GTPBP4: variants seen among roughly 807,000 people sequenced by gnomAD.
GTPBP4 encodes the protein GTP-binding protein 4.
Under a neutral mutation model 81.7 loss-of-function variants are expected in GTPBP4, and 15 were observed. The ratio of observed to expected loss-of-function variants is 0.18; its 90% CI spans 0.12 to 0.28. The LOEUF is 0.28. GTPBP4 is among the 10% of genes least tolerant of loss of function. GTPBP4 has a pLI of 1.00. For missense variants in GTPBP4, 847 were observed against 793.8 expected, an observed-to-expected ratio of 1.07 and a Z score of -0.81; for synonymous variants, 272 against 274.6, an observed-to-expected ratio of 0.99 and a Z score of 0.09.
At position 1,000,733 on chromosome 10, in the gene GTPBP4, G is replaced by T; in HGVS notation, c.711G>T (p.Glu237Asp). The change falls in exon 7 of 17, where the codon GAG (glutamate) becomes GAT (aspartate). Residue 237 changes from glutamate to aspartate, a missense_variant. Glu to Asp is a conservative substitution (Grantham distance 45, BLOSUM62 2). Transcript: ENST00000360803. ...DHPLEDRNTI[E>D]MQAITALAHL... ...CTCTGGAGGATAGGAACACCATCGA[G>T]ATGCAGGCCATCACTGCCCTGGCCC... 1 of 1,587,648 alleles carries T rather than the reference G, an allele frequency of 6.3e-7. No individual in the cohort carries two copies. Among genetic ancestry groups the T allele is most frequent in the Non-Finnish European group, 8.6e-7 (1 of 1,167,134 alleles).
rs1242591726 is a variant in GTPBP4 at position 1,010,828 on chromosome 10, C to CA, written c.1344+308_1344+309insA. Among the ~76,000 whole-genome samples, 9 of 106,904 alleles carry CA rather than the reference C, an allele frequency of 8.4e-5. No individual in the cohort carries two copies. The South Asian group carries it at 1.4e-3, about 16-fold the overall frequency. 70.1% of individuals were successfully genotyped at this position (106,904 alleles called of 152,430 possible). Reference sequence around the variant, plus strand: ...TCCATCCTGACTCTGCCTCCTGCACCTCTTCCCTGTCCCGACACTGGTGGA... The same window carrying CA: ...TCCATCCTGACTCTGCCTCCTGCACCATCTTCCCTGTCCCGACACTGGTGGA... On this transcript the variant is annotated intron_variant, in intron 13 of 16. Coordinates refer to ENST00000360803, the MANE Select transcript of GTPBP4 (RefSeq NM_012341.3).
chr10:1,014,658 C>CA (rs1349544686), intron 15 of GTPBP4, among the ~76,000 whole-genome samples: 9 of 151,332 alleles, frequency 5.9e-5, no homozygotes, highest in South Asian at 2.1e-4. Flanking sequence ...GACTCCATCT[C>CA]AAAAAAAAGA....
Position 1,019,586 on chromosome 10 carries a change from C to T in GTPBP4, c.*2359C>T, listed in dbSNP as rs1190967051. ...CATCCAGGTGAGGCCACCACCGGTA[C>T]AGAAACCTCTCGGCAATGGTTCTTA... is the stretch of plus-strand genomic sequence containing the variant. On this transcript the variant is annotated 3_prime_UTR_variant, in exon 17 of 17. Transcript: ENST00000360803. 1.9e-6 allele frequency: 3 copies of T among 1,613,916 alleles called. No individual in the cohort carries two copies. The highest frequency in any genetic ancestry group is 1.3e-5 in the African/African-American group (1 of 74,892).
chr10:991,947 A>G (rs1158309858), intron 1 of GTPBP4, among the ~76,000 whole-genome samples: 4 of 149,730 alleles, frequency 2.7e-5, no homozygotes, highest in Non-Finnish European at 4.5e-5. Flanking sequence ...CGCCCGCCTC[A>G]GCCTCCCAAA....
intron 6 of GTPBP4, 65 bp from the exon 7 acceptor site, chr10:1,000,612 G>C (rs1831610614): frequency 3.3e-6 from 3 of 914,292 alleles, no homozygotes; most frequent in Non-Finnish European, 4.8e-6. Flanking sequence ...AGTGACTTCT[G>C]GGATGTGCTG....
chr10:1,014,419 G>C, intron 15 of GTPBP4, 107 bp downstream of exon 15: 5 of 728,720 alleles, frequency 6.9e-6, no homozygotes, highest in Non-Finnish European at 1.2e-5. Context: ...CACTTTGGGA[G>C]GCCAAGGCGG....
Position 1,019,332 on chromosome 10 carries a change from A to T in GTPBP4, c.*2105A>T. ...GCAACCAGGCAGATGAGAAATATGG[A>T]AATAAGGAAAAGGGAAAATGAAGAT... On this transcript the variant is annotated 3_prime_UTR_variant, in exon 17 of 17. Coordinates refer to ENST00000360803, the MANE Select transcript of GTPBP4 (RefSeq NM_012341.3). 3.6e-6 allele frequency: 2 copies of T among 557,156 alleles called. No individual in the cohort carries two copies. The highest frequency in any genetic ancestry group is 6.3e-6 in the Non-Finnish European group (2 of 317,198). 34.5% of individuals were successfully genotyped at this position (557,156 alleles called of 1,614,324 possible).
chr10:1,005,699 G>A (rs1831717344), intron 8 of GTPBP4, 119 bp from the exon 9 acceptor site: 3 of 661,428 alleles, frequency 4.5e-6, no homozygotes, highest in African/African-American at 1.8e-5. Context: ...TGTTTTTTAA[G>A]ACTTTGAAAC....
In GTPBP4 at chr10:1,009,560, A is replaced by G; in HGVS notation, c.1223A>G (p.Asp408Gly). ...GATCTTGAGCTGGAAATGGGAGATG[A>G]TTATATTTTGGATCTTCAGAGTAAG... is the stretch of plus-strand genomic sequence containing the variant. ...ERDLELEMGD[D>G]YILDLQKYWD... The change falls in exon 12 of 17, where the codon GAT (aspartate) becomes GGT (glycine). Residue 408 changes from aspartate (D) to glycine (G), a missense_variant. Transcript: ENST00000360803. The G allele has an allele frequency of 6.3e-7, 1 of 1,599,748 alleles. No individual in the cohort carries two copies. The highest frequency in any genetic ancestry group is 2.2e-5 in the East Asian group (1 of 44,808).
At chr10:1,008,867 C>T (rs1289880697) in intron 10 of GTPBP4, 91 bp from the exon 11 acceptor site, 5 of 926,648 alleles carry the variant, frequency 5.4e-6, no homozygotes, top group African/African-American at 4.8e-5. Flanking sequence ...GTTCCCCTTG[C>T]ACGTAGGGAA....
intron 5 of GTPBP4, 23 bp from the exon 6 acceptor site, chr10:998,980 C>T (rs1179817831): frequency 1.7e-5 from 23 of 1,346,136 alleles, no homozygotes; most frequent in Non-Finnish European, 2.4e-5. Flanking sequence ...TGAGGTGATT[C>T]TGAAAGTTCT....
At position 1,015,846 on chromosome 10, in the gene GTPBP4, G is replaced by A; in HGVS notation, c.1702G>A (p.Gly568Arg). 6.2e-7 allele frequency: 1 copy of A among 1,613,626 alleles called. No individual in the cohort carries two copies. The highest frequency in any genetic ancestry group is 8.5e-7 in the Non-Finnish European group (1 of 1,179,498). The stretch of plus-strand genomic sequence containing the variant: ...TCCCCCGTCCTCTGTGGCCCGGAGT[G>A]GGAGTTGCTCTCGAACTCCACGTGA... ...SAPPSSVARSGSCSRTPRDVS... is the reference protein window; with the variant it reads ...SAPPSSVARSRSCSRTPRDVS... The change falls in exon 16 of 17, where the codon GGG becomes AGG. Residue 568 changes from glycine to arginine, a missense_variant. By Grantham distance (125) the Gly-to-Arg change is moderately radical. Coordinates refer to ENST00000360803, the MANE Select transcript of GTPBP4 (RefSeq NM_012341.3).
intron 15 of GTPBP4, among the ~76,000 whole-genome samples, chr10:1,014,724 AGAAAT>A (rs1831944619): frequency 1.3e-5 from 2 of 152,150 alleles, no homozygotes; most frequent in Non-Finnish European, 2.9e-5. Flanking sequence ...TACAGCAAAA[AGAAAT>A]GAGAGCTTCC....
Position 1,001,005 on chromosome 10 carries a change from G to T in GTPBP4, c.904G>T (p.Asp302Tyr). ...GAAGAGAATAGCTGAACTTTCTGAAGATGATCAGGTAAATCACGTTAATAT... is the reference window on the plus strand; with the variant it reads ...GAAGAGAATAGCTGAACTTTCTGAATATGATCAGGTAAATCACGTTAATAT... ...DVKRIAELSE[D>Y]DQKIFTDLQS... The change falls in exon 8 of 17, where the codon GAT becomes TAT. Residue 302 changes from aspartate to tyrosine, a missense_variant. By Grantham distance (160) the Asp-to-Tyr change is radical. Around this residue, in one of 3 missense-constraint regions of GTPBP4, gnomAD observed 600 missense variants for 557.1 expected, o/e 1.08. Coordinates refer to ENST00000360803, the MANE Select transcript of GTPBP4 (RefSeq NM_012341.3). 1 of 1,598,650 alleles carries T rather than the reference G, an allele frequency of 6.3e-7. No individual in the cohort carries two copies. Among genetic ancestry groups the T allele is most frequent in the South Asian group, 1.1e-5 (1 of 90,720 alleles).
In GTPBP4 at chr10:1,019,576, A is replaced by G; in HGVS notation, c.*2349A>G. 6.2e-7 allele frequency: 1 copy of G among 1,613,974 alleles called. No individual in the cohort carries two copies. The highest frequency in any genetic ancestry group is 8.5e-7 in the Non-Finnish European group (1 of 1,179,976). The stretch of plus-strand genomic sequence containing the variant: ...GGGGTCACGTCATCCAGGTGAGGCC[A>G]CCACCGGTACAGAAACCTCTCGGCA... On this transcript the variant is annotated 3_prime_UTR_variant, in exon 17 of 17. Coordinates refer to ENST00000360803, the MANE Select transcript of GTPBP4 (RefSeq NM_012341.3).
At chr10:993,443 C>T (rs1293553584) in intron 2 of GTPBP4, among the ~76,000 whole-genome samples, 3 of 152,152 alleles carry the variant, frequency 2.0e-5, no homozygotes, top group Non-Finnish European at 4.4e-5. Context: ...AATGGGGTTT[C>T]ACCATGTTGG....
intron 5 of GTPBP4, among the ~76,000 whole-genome samples, chr10:998,789 TC>T (rs1831576592): frequency 6.6e-6 from 1 of 152,062 alleles, no homozygotes; most frequent in Admixed American, 6.6e-5. Context: ...GTGGTGGCTG[TC>T]CTCCAAATGC....
At chr10:999,160 C>T in intron 6 of GTPBP4, 65 bp downstream of exon 6, 1 of 931,114 alleles carries the variant, frequency 1.1e-6, no homozygotes, top group Non-Finnish European at 1.7e-6. Flanking sequence ...CTCTTGTTGC[C>T]CAGGCTGGAG....
intron 8 of GTPBP4, 50 bp downstream of exon 8, chr10:1,001,063 C>T: frequency 3.8e-6 from 5 of 1,320,896 alleles, no homozygotes; most frequent in Non-Finnish European, 4.4e-6. Flanking sequence ...ATTCTGAATT[C>T]TCATCTCAGA....
Sources: allele counts gnomAD v4.1 joint callset (sites outside exome capture counted in the v4.1 genomes callset), GRCh38; gene constraint gnomAD v4.1.1; regional missense constraint gnomAD v4.1.1; transcripts MANE v1.5; gene names NCBI Gene and HGNC (gene_info 2026-07-23, HGNC 2026-07-21).